Variants in GNLY observed in about 807,000 individuals in gnomAD.
The protein encoded by GNLY is granulysin.
A neutral mutation model predicts 18.5 loss-of-function variants in GNLY; 15 were observed. The observed-to-expected ratio is 0.81, with a 90% CI of 0.54 to 1.25. GNLY has a LOEUF of 1.25. Among genes scored for constraint, GNLY ranks in the 50% most tolerant of loss-of-function variants. The pLI is 0.00. For missense variants in GNLY, 178 were observed against 186.9 expected, an observed-to-expected ratio of 0.95 and a Z score of 0.28; for synonymous variants, 77 against 74.9, an observed-to-expected ratio of 1.03 and a Z score of -0.14.
At chr2:85,694,961 G>A (rs1182978481) in intron 1 of GNLY, 3 of 1,593,082 alleles carry the variant, frequency 1.9e-6, no homozygotes, top group East Asian at 2.3e-5. Context: ...ACTTCTGGAA[G>A]GGAGAGTGGA....
intron 1 of GNLY, 91 bp downstream of exon 1, chr2:85,694,561 C>T (rs999106907): frequency 4.6e-6 from 6 of 1,311,648 alleles, no homozygotes; most frequent in East Asian, 2.4e-5. Flanking sequence ...TCTGTGGGCA[C>T]CCAGGTGCCC....
chr2:85,698,221 C>A (rs1275096564), intron 4 of GNLY, among the ~76,000 whole-genome samples: 1 of 152,234 alleles, frequency 6.6e-6, no homozygotes, highest in Non-Finnish European at 1.5e-5. Flanking sequence ...TCCATGGCTG[C>A]CCAGGCTGTG....
intron 3 of GNLY, 191 bp downstream of exon 3, chr2:85,696,247 C>T: frequency 1.7e-6 from 1 of 587,314 alleles, no homozygotes; most frequent in African/African-American, 1.9e-5. Flanking sequence ...TTGTGACTCT[C>T]TGGAACTGTG....
intron 1 of GNLY, chr2:85,694,743 C>T: frequency 1.4e-6 from 2 of 1,437,938 alleles, no homozygotes; most frequent in Non-Finnish European, 1.8e-6. Flanking sequence ...ACCCCCCTTT[C>T]CCTCCCAAGC....
intron 1 of GNLY, chr2:85,694,841 G>A (rs555630578): frequency 6.6e-6 from 10 of 1,519,354 alleles, no homozygotes; most frequent in Admixed American, 4.2e-5. Flanking sequence ...AGGATTGTGC[G>A]GGGCTGGTGA....
rs751625692 is a variant in GNLY, at chr2:85,695,384, G to A, written c.117G>A (p.Glu39=). 2 of 1,613,814 alleles carry A rather than the reference G, an allele frequency of 1.2e-6. No individual in the cohort carries two copies. The highest frequency in any genetic ancestry group is 8.5e-7 in the Non-Finnish European group (1 of 1,179,656). The stretch of plus-strand genomic sequence containing the variant: ...TGGCAAGAGCCCACCTGCGTGATGA[G>A]GAGAAATCCTGCCCGTGCCTGGCCC... ...YDLARAHLRD[E]EKSCPCLAQE... The change falls in exon 2 of 5, where the codon GAG becomes GAA. Residue 39 remains glutamate (E), a synonymous_variant. Transcript: ENST00000263863.
rs774261151 is a variant in GNLY, at chr2:85,698,756, G to A, written c.*182G>A. 1.3e-6 allele frequency: 2 copies of A among 1,521,682 alleles called. No individual in the cohort carries two copies. The highest frequency in any genetic ancestry group is 1.4e-5 in the African/African-American group (1 of 72,822). The allele number at this position is 1,521,682 out of a possible 1,614,324, so 94.3% of individuals were successfully genotyped here. Reference sequence around the variant, plus strand: ...TAAAGTGTCAAGCAAGATTTTAGCCGCAGCTGCTTCTTCTTTGGTGGATTT... The same window carrying A: ...TAAAGTGTCAAGCAAGATTTTAGCCACAGCTGCTTCTTCTTTGGTGGATTT... On this transcript the variant is annotated 3_prime_UTR_variant, in exon 5 of 5. Transcript: ENST00000263863.
At chr2:85,694,955 C>T in intron 1 of GNLY, 2 of 1,591,166 alleles carry the variant, frequency 1.3e-6, no homozygotes, top group Middle Eastern at 1.7e-4. Context: ...AAGAACACTT[C>T]TGGAAGGGAG....
At chr2:85,696,092 G>T in intron 3 of GNLY, 36 bp downstream of exon 3, 1 of 1,193,274 alleles carries the variant, frequency 8.4e-7, no homozygotes, top group Non-Finnish European at 1.2e-6. Context: ...CCTGTCTGCT[G>T]CTCAATGGAG....
intron 1 of GNLY, 38 bp from the exon 2 acceptor site, chr2:85,695,282 C>T (rs368107084): frequency 3.4e-5 from 49 of 1,430,404 alleles, no homozygotes; most frequent in Non-Finnish European, 4.0e-5. Context: ...CCTCTCCTTC[C>T]GCCTGCGGAG....
In GNLY at chr2:85,697,689, G is replaced by C; in HGVS notation, c.427+12G>C. 1 of 1,589,898 alleles carries C rather than the reference G, an allele frequency of 6.3e-7. No homozygotes were observed. Among genetic ancestry groups the C allele is most frequent in the Non-Finnish European group, 8.6e-7 (1 of 1,158,076 alleles). ...TATACCTTCTACAGGTGAGTGCAGA[G>C]GTGACAGCAGGGATACCTCCTGAGG... On this transcript the variant is annotated intron_variant, in intron 4 of 4. Coordinates refer to ENST00000263863, the MANE Select transcript of GNLY (RefSeq NM_006433.5).
chr2:85,695,179 G>T lies in GNLY; in HGVS notation c.53-141G>T. ...TCAGAGCGGCTCCAGGGCAAAGCAT[G>T]TGGACAGGTATCCTGGCCCCCTGCA... On this transcript the variant is annotated intron_variant, in intron 1 of 4. Transcript: ENST00000263863. The T allele has an allele frequency of 3.7e-6, 3 of 811,598 alleles. No homozygotes were observed. In the South Asian group the frequency reaches 4.9e-5, roughly 13 times the overall value. 50.3% of individuals were successfully genotyped at this position (811,598 alleles called of 1,614,324 possible).
chr2:85,696,244 T>C (rs1377104093), intron 3 of GNLY, 188 bp downstream of exon 3: 2 of 587,370 alleles, frequency 3.4e-6, no homozygotes, highest in Non-Finnish European at 6.1e-6. Context: ...AAATTGTGAC[T>C]CTCTGGAACT....
intron 4 of GNLY, 34 bp from the exon 5 acceptor site, chr2:85,698,530 A>G (rs1678548715): frequency 6.2e-7 from 1 of 1,613,264 alleles, no homozygotes; most frequent in Non-Finnish European, 8.5e-7. Context: ...GACCCACCAC[A>G]TCTGCCCACA....
chr2:85,696,521 T>C (rs978138319), intron 3 of GNLY: 1 of 153,348 alleles, frequency 6.5e-6, no homozygotes, highest in Non-Finnish European at 1.4e-5. Flanking sequence ...AGTCCCTATC[T>C]TGCAAGTTGT....
At chr2:85,695,105 C>T in intron 1 of GNLY, 1 of 1,151,136 alleles carries the variant, frequency 8.7e-7, no homozygotes. Flanking sequence ...TCTCGCCCTC[C>T]TGGCTTTCTA....
Position 85,694,426 on chromosome 2 carries a change from C to T in GNLY, c.8C>T (p.Thr3Ile), listed in dbSNP as rs151117270. 1,006 of 1,614,096 alleles carry T rather than the reference C, an allele frequency of 6.2e-4. 11 individuals are homozygous for T. The African/African-American group carries it at 0.012, about 18-fold the overall frequency. Reference protein sequence around the residue: MATWALLLLAAML... With the variant: MAIWALLLLAAML... ...CTCAGCGGCTGCCCCACCATGGCTA[C>T]CTGGGCCCTCCTGCTCCTTGCAGCC... The change falls in exon 1 of 5, where the codon ACC becomes ATC. Residue 3 changes from threonine to isoleucine, a missense_variant. Coordinates refer to ENST00000263863, the MANE Select transcript of GNLY (RefSeq NM_006433.5).
chr2:85,695,117 A>T, intron 1 of GNLY: 1 of 1,037,990 alleles, frequency 9.6e-7, no homozygotes. Flanking sequence ...GGCTTTCTAG[A>T]AGGAACGTGA....
At chr2:85,696,530 G>A (rs1463859313) in intron 3 of GNLY, 1 of 146,642 alleles carries the variant, frequency 6.8e-6, no homozygotes, top group African/African-American at 2.5e-5. Flanking sequence ...CTTGCAAGTT[G>A]TCAAACCCTT....
Sources: gnomAD v4.1 joint callset for allele counts (sites outside exome capture counted in the v4.1 genomes callset) on GRCh38, gnomAD v4.1.1 for gene constraint, MANE v1.5 for transcripts, NCBI Gene and HGNC (gene_info 2026-07-23, HGNC 2026-07-21) for gene names.